Variants in TET1 observed in about 807,000 individuals in gnomAD.
TET1 encodes the protein methylcytosine dioxygenase TET1.
Under a neutral mutation model 148.7 loss-of-function variants are expected in TET1, and 13 were observed. That is an observed-to-expected ratio of 0.09 (90% CI 0.06 to 0.14). The LOEUF (loss-of-function observed/expected upper bound fraction) is 0.14. Ranked by LOEUF, TET1 falls within the 10% of genes least tolerant of loss-of-function variation. The pLI is 1.00. For synonymous variants in TET1, 907 were observed against 937.2 expected, an observed-to-expected ratio of 0.97 and a Z score of 0.59; for missense variants, 2,182 against 2,553.8, an observed-to-expected ratio of 0.85 and a Z score of 3.14.
chr10:68,624,681 TCTCTCTCTC>T (rs2054444950), intron 3 of TET1, among the ~76,000 whole-genome samples: 1 of 131,916 alleles, frequency 7.6e-6, no homozygotes, highest in African/African-American at 2.9e-5. Flanking sequence ...TCTCTCTCTC[TCTCTCTCTC>T]TCTCTCTTTC....
At chr10:68,581,001 A>G (rs1006717033) in intron 2 of TET1, among the ~76,000 whole-genome samples, 17 of 151,912 alleles carry the variant, frequency 1.1e-4, no homozygotes, top group African/African-American at 4.1e-4. Context: ...GGAGTCTCTG[A>G]ATTTATTCTC....
intron 2 of TET1, among the ~76,000 whole-genome samples, chr10:68,575,817 C>T (rs375431540): frequency 2.6e-5 from 4 of 151,094 alleles, no homozygotes; most frequent in South Asian, 2.1e-4. Context: ...GTCAGGAGAT[C>T]GAGACCATCC....
chr10:68,603,386 A>T (rs1305306832), intron 3 of TET1, among the ~76,000 whole-genome samples: 2 of 152,196 alleles, frequency 1.3e-5, no homozygotes, highest in Non-Finnish European at 2.9e-5. Context: ...GACTTGTTTC[A>T]TCCTACACTG....
At chr10:68,618,400 T>C (rs1483477123) in intron 3 of TET1, among the ~76,000 whole-genome samples, 1 of 152,192 alleles carries the variant, frequency 6.6e-6, no homozygotes, top group African/African-American at 2.4e-5. Context: ...TGACATAGAC[T>C]TCATTCCTTC....
rs576653910 is a variant in TET1, at chr10:68,562,519, TTTAA to T, written c.-123+1781_-123+1784del. On this transcript the variant is annotated intron_variant, in intron 1 of 11. Transcript: ENST00000373644. The stretch of plus-strand genomic sequence containing the variant: ...CCCCCTTTTCCCCAATTAAGGGATT[TTTAA>T]TTAGTTTGTCAGTCTTTAAAGCTAA... Among the ~76,000 whole-genome samples the T allele has an allele frequency of 1.2e-4, 19 of 152,330 alleles. No homozygotes were observed. In the South Asian group the frequency reaches 1.9e-3, roughly 15 times the overall value.
At chr10:68,639,457 CTACTACTACTATTAT>C (rs1048467004) in intron 3 of TET1, among the ~76,000 whole-genome samples, 6 of 143,158 alleles carry the variant, frequency 4.2e-5, no homozygotes, top group South Asian at 2.3e-4. Flanking sequence ...ACTACTACTA[CTACTACTACTATTAT>C]TATTATTATT....
At chr10:68,663,711 A>G (rs1015251017) in intron 6 of TET1, among the ~76,000 whole-genome samples, 2 of 152,196 alleles carry the variant, frequency 1.3e-5, no homozygotes, top group Non-Finnish European at 2.9e-5. Flanking sequence ...TTAGGAATAG[A>G]TAGTATATTT....
intron 3 of TET1, among the ~76,000 whole-genome samples, chr10:68,608,852 T>TA (rs916414716): frequency 6.6e-6 from 1 of 151,874 alleles, no homozygotes; most frequent in African/African-American, 2.4e-5. Flanking sequence ...ATTTTTTAAT[T>TA]AAAAAAAAAT....
chr10:68,575,850 T>G (rs2053723319), intron 2 of TET1, among the ~76,000 whole-genome samples: 1 of 149,982 alleles, frequency 6.7e-6, no homozygotes, highest in African/African-American at 2.5e-5. Context: ...TGAAACCCCG[T>G]CTCTACTAAA....
rs76274743 is a variant in TET1 at position 68,687,924 on chromosome 10, T to G, written c.5404+1217T>G. Among the ~76,000 whole-genome samples, 209 of 152,006 alleles carry G rather than the reference T, an allele frequency of 1.4e-3. 4 individuals carry two copies. In the East Asian group the frequency reaches 0.03, roughly 22 times the overall value. ...GTTAGTTTTGGTTTTGGGTTTTGGG[T>G]TTTGGGGTTTTTTTTAAAAGACAGA... On this transcript the variant is annotated intron_variant, in intron 11 of 11. Coordinates refer to ENST00000373644, the MANE Select transcript of TET1 (RefSeq NM_030625.3).
intron 7 of TET1, among the ~76,000 whole-genome samples, chr10:68,671,374 C>G (rs955179234): frequency 1.1e-4 from 16 of 152,186 alleles, no homozygotes; most frequent in African/African-American, 3.9e-4. Context: ...ACAAAAGACA[C>G]GATTATGTTC....
intron 2 of TET1, among the ~76,000 whole-genome samples, chr10:68,582,662 G>A (rs141669088): frequency 1.4e-3 from 209 of 152,150 alleles, no homozygotes; most frequent in Non-Finnish European, 1.4e-3. Flanking sequence ...TATCCCTTTT[G>A]GTGGCAGTGG....
chr10:68,624,632 C>CTT (rs1323875267), intron 3 of TET1, among the ~76,000 whole-genome samples: 10 of 41,982 alleles, frequency 2.4e-4, no homozygotes, highest in African/African-American at 1.5e-3. Flanking sequence ...TTCTTTCTTT[C>CTT]TTTCTTTCTT....
At position 68,572,194 on chromosome 10, in the gene TET1, A is replaced by G. The variant is rs543115165; in HGVS notation, c.-122-23A>G. Reference sequence around the variant, plus strand: ...AATGCATAGGAAAAAGACTCACTTCAGTGTATTCTGTTGTTATTTCAGACC... The same window carrying G: ...AATGCATAGGAAAAAGACTCACTTCGGTGTATTCTGTTGTTATTTCAGACC... On this transcript the variant is annotated intron_variant, in intron 1 of 11. Transcript: ENST00000373644. 239 of 633,846 alleles carry G rather than the reference A, an allele frequency of 3.8e-4. 1 individual carries two copies. In the African/African-American group the frequency reaches 3.8e-3, roughly 10 times the overall value. The allele number at this position is 633,846 out of a possible 1,614,324, so 39.3% of individuals were successfully genotyped here.
At chr10:68,631,936 T>C (rs1374776175) in intron 3 of TET1, among the ~76,000 whole-genome samples, 10 of 151,624 alleles carry the variant, frequency 6.6e-5, no homozygotes, top group African/African-American at 4.8e-5. Context: ...TCTGATGGCC[T>C]TCTGCTTGGA....
At chr10:68,563,356 T>C (rs2053574587) in intron 1 of TET1, among the ~76,000 whole-genome samples, 3 of 152,252 alleles carry the variant, frequency 2.0e-5, no homozygotes, top group Non-Finnish European at 2.9e-5. Context: ...ACTTAGTTGC[T>C]GGAGGAAACT....
intron 3 of TET1, among the ~76,000 whole-genome samples, chr10:68,622,164 CCCTTCCTTCCTTCCTTCCTTCCTT>C (rs1198639936): frequency 1.1e-4 from 14 of 123,998 alleles, no homozygotes; most frequent in East Asian, 4.8e-4. Context: ...GATACCTATG[CCCTTCCTTCCTTCCTTCCTTCCTT>C]CCTTCCTTCC....
At position 68,646,909 on chromosome 10, in the gene TET1, A is replaced by G. The variant is rs752300962; in HGVS notation, c.4180A>G (p.Asn1394Asp). 6.2e-7 allele frequency: 1 copy of G among 1,614,034 alleles called. No homozygotes were observed. Among genetic ancestry groups the G allele is most frequent in the African/African-American group, 1.3e-5 (1 of 74,922 alleles). ...TTCCACAGTGGACAGTGCACAGAAA[A>G]ATTTTAATGATTATGCCATGAACTT... ...EFSTVDSAQK[N>D]FNDYAMNFFT... Residue 1394 changes from asparagine to aspartate, a missense_variant, in exon 4 of 12, where the codon AAT (asparagine) becomes GAT (aspartate). Transcript: ENST00000373644.
intron 3 of TET1, among the ~76,000 whole-genome samples, chr10:68,638,523 C>T (rs533842923): frequency 6.6e-6 from 1 of 151,872 alleles, no homozygotes; most frequent in African/African-American, 2.4e-5. Context: ...TAAAATTTCA[C>T]GGAGAGGGTT....
Sources: gnomAD v4.1 joint callset for allele counts (sites outside exome capture counted in the v4.1 genomes callset) on GRCh38, gnomAD v4.1.1 for gene constraint, MANE v1.5 for transcripts, NCBI Gene and HGNC (gene_info 2026-07-23, HGNC 2026-07-21) for gene names.